Variants in TRIM60 observed in about 807,000 individuals in gnomAD.
TRIM60 encodes tripartite motif containing 60, also known as tripartite motif-containing protein 60.
For synonymous variants in TRIM60, 189 were observed against 195.2 expected (o/e 0.97, Z 0.27); for missense variants, 524 against 540.8 (o/e 0.97, Z 0.31).
chr4:165,038,527 G>A (rs61226884), intron 1 of TRIM60, among the ~76,000 whole-genome samples: 11,406 of 151,150 alleles, frequency 0.075, 1,320 homozygotes, highest in African/African-American at 0.25. Context: ...TTAAAAATTA[G>A]CTGGGCCTGG....
intron 1 of TRIM60, among the ~76,000 whole-genome samples, chr4:165,037,162 T>C (rs71618429): frequency 2.0e-5 from 3 of 151,456 alleles, no homozygotes; most frequent in Non-Finnish European, 4.4e-5. Context: ...GACTGCACCA[T>C]TGCACTCCAG....
At chr4:165,039,782 G>A (rs1354316905) in intron 2 of TRIM60, among the ~76,000 whole-genome samples, 4 of 139,130 alleles carry the variant, frequency 2.9e-5, no homozygotes, top group Non-Finnish European at 6.1e-5. Flanking sequence ...TCCGGCCTGG[G>A]CGACAGAGCG....
chr4:165,033,074 C>T (rs892835961), intron 1 of TRIM60, among the ~76,000 whole-genome samples: 2 of 151,878 alleles, frequency 1.3e-5, no homozygotes, highest in Non-Finnish European at 2.9e-5. Context: ...CCTGTGGTCC[C>T]AGCTACTCGG....
chr4:165,040,855 C>T lies in TRIM60; in HGVS notation c.783C>T (p.Asn261=). Residue 261 remains asparagine (N), a synonymous_variant, in exon 3 of 3, where the codon AAC becomes AAT. Transcript: ENST00000512596. The part of the protein sequence containing the change: ...QAKSMHHKYQ[N]LKCPELFSFR... ...AGAGTATGCACCACAAGTATCAAAACCTAAAATGCCCTGAACTCTTTTCAT... is the reference window on the plus strand; with the variant it reads ...AGAGTATGCACCACAAGTATCAAAATCTAAAATGCCCTGAACTCTTTTCAT... 6.2e-7 allele frequency: 1 copy of T among 1,613,446 alleles called. No homozygotes were observed.
rs1025202715 is a variant in TRIM60, at chr4:165,039,253, G to T, written c.-5+1G>T. 1.3e-5 allele frequency: 2 copies of T among 151,872 alleles called. No homozygotes were observed. The highest frequency in any genetic ancestry group is 2.9e-5 in the Non-Finnish European group (2 of 67,998). 9.4% of individuals were successfully genotyped at this position (151,872 alleles called of 1,614,324 possible). ...AGGTGGTATTCTCTACATTATAAAG[G>T]TACTTATTTTTCTCTTTGTAATTAA... On this transcript the variant is annotated splice_donor_variant, in intron 2 of 2. Transcript: ENST00000512596. LOFTEE classifies it low-confidence loss of function (5UTR_SPLICE).
chr4:165,032,889 C>G (rs189883931), intron 1 of TRIM60, among the ~76,000 whole-genome samples: 370 of 152,196 alleles, frequency 2.4e-3, no homozygotes, highest in Non-Finnish European at 3.9e-3. Context: ...TGAACCAGCA[C>G]AAGAATCAGA....
rs1438423497 is a variant in TRIM60, at chr4:165,040,765, A to T, written c.693A>T (p.Lys231Asn). The change falls in exon 3 of 3, where the codon AAA becomes AAT. Residue 231 changes from lysine (K) to asparagine (N), a missense_variant. Lys to Asn is a moderately conservative substitution (Grantham distance 94). Coordinates refer to ENST00000512596, the MANE Select transcript of TRIM60 (RefSeq NM_152620.3). The part of the protein sequence containing the change: ...VELSDYVSTL[K>N]HLLREVEGKS... The stretch of plus-strand genomic sequence containing the variant: ...TTTCAGATTATGTTTCCACATTAAA[A>T]CATCTACTGAGGGAGGTAGAGGGCA... The T allele has an allele frequency of 1.2e-6, 2 of 1,614,176 alleles. No homozygotes were observed. The highest frequency in any genetic ancestry group is 1.7e-6 in the Non-Finnish European group (2 of 1,180,022).
In TRIM60 at chr4:165,041,230, G is replaced by C; in HGVS notation, c.1158G>C (p.Trp386Cys). Reference protein sequence around the residue: ...QDQPSVLGGFWAIGRYMKSGY... With the variant: ...QDQPSVLGGFCAIGRYMKSGY... ...AGCCATCAGTTCTGGGCGGATTCTG[G>C]GCAATTGGGCGATACATGAAGAGTG... Residue 386 changes from tryptophan to cysteine, a missense_variant, in exon 3 of 3, where the codon TGG becomes TGC. Trp to Cys is a radical substitution (Grantham distance 215). Coordinates refer to ENST00000512596, the MANE Select transcript of TRIM60 (RefSeq NM_152620.3). The C allele has an allele frequency of 6.2e-7, 1 of 1,614,084 alleles. No individual in the cohort carries two copies. Among genetic ancestry groups the C allele is most frequent in the South Asian group, 1.1e-5 (1 of 91,074 alleles).
chr4:165,041,320 T>C lies in TRIM60; in HGVS notation c.1248T>C (p.Gly416=). The change falls in exon 3 of 3, where the codon GGT becomes GGC. Residue 416 remains glycine (G), a synonymous_variant. Coordinates refer to ENST00000512596, the MANE Select transcript of TRIM60 (RefSeq NM_152620.3). ...LLPVVKPSKI[G]IFLDYELGDL... ...CAGTAGTAAAACCCAGTAAAATTGG[T>C]ATTTTTCTGGACTATGAATTGGGTG... 1.2e-6 allele frequency: 2 copies of C among 1,614,176 alleles called. No individual in the cohort carries two copies. The highest frequency in any genetic ancestry group is 2.2e-5 in the South Asian group (2 of 91,086).
chr4:165,040,164 G>C lies in TRIM60; in HGVS notation c.92G>C (p.Cys31Ser). ...TTGAAAGACCCAGTGACCATCAACT[G>C]TGGGCACAACTTCTGTCGCTCCTGC... is the stretch of plus-strand genomic sequence containing the variant. ...EYLKDPVTIN[C>S]GHNFCRSCLS... Residue 31 changes from cysteine to serine, a missense_variant, in exon 3 of 3, where the codon TGT becomes TCT. Coordinates refer to ENST00000512596, the MANE Select transcript of TRIM60 (RefSeq NM_152620.3). 1 of 1,614,122 alleles carries C rather than the reference G, an allele frequency of 6.2e-7. No homozygotes were observed. The highest frequency in any genetic ancestry group is 1.1e-5 in the South Asian group (1 of 91,082).
intron 1 of TRIM60, among the ~76,000 whole-genome samples, chr4:165,036,313 A>G (rs1265586503): frequency 6.6e-6 from 1 of 152,188 alleles, no homozygotes; most frequent in Non-Finnish European, 1.5e-5. Context: ...TCAATGACAT[A>G]TAGATGTAGG....
In TRIM60 at chr4:165,040,734, T is replaced by C. The variant is rs1733740373; in HGVS notation, c.662T>C (p.Val221Ala). 6.2e-7 allele frequency: 1 copy of C among 1,613,976 alleles called. No individual in the cohort carries two copies. The highest frequency in any genetic ancestry group is 1.3e-5 in the African/African-American group (1 of 74,936). The change falls in exon 3 of 3, where the codon GTA becomes GCA. Residue 221 changes from valine to alanine, a missense_variant. Val to Ala is a moderately conservative substitution (Grantham distance 64). Transcript: ENST00000512596. The stretch of plus-strand genomic sequence containing the variant: ...TTAGCAAAACTAAATGAAAACCTTG[T>C]AGAACTTTCAGATTATGTTTCCACA... ...NILAKLNENL[V>A]ELSDYVSTLK... is the part of the protein sequence containing the mutation.
At chr4:165,038,161 C>T (rs1003188556) in intron 1 of TRIM60, among the ~76,000 whole-genome samples, 1 of 152,138 alleles carries the variant, frequency 6.6e-6, no homozygotes, top group African/African-American at 2.4e-5. Context: ...ATCATGACCC[C>T]TTCACCAGTA....
rs753125877 is a variant in TRIM60 at position 165,040,099 on chromosome 4, C to A, written c.27C>A (p.Asn9Lys). The A allele has an allele frequency of 5.0e-6, 8 of 1,612,564 alleles. No individual in the cohort carries two copies. Among genetic ancestry groups the A allele is most frequent in the Middle Eastern group, 3.9e-4 (2 of 5,160 alleles). The change falls in exon 3 of 3, where the codon AAC (asparagine) becomes AAA (lysine). Residue 9 changes from asparagine to lysine, a missense_variant. Transcript: ENST00000512596. ...TGGAGTTTGTGACAGCCCTGGTGAA[C>A]CTCCAAGAGGAGTCTAGCTGTCCCA... Reference protein sequence around the residue: MEFVTALVNLQEESSCPIC... With the variant: MEFVTALVKLQEESSCPIC...
chr4:165,041,514 G>T lies in TRIM60; in HGVS notation c.*26G>T, dbSNP rs371098223. The T allele has an allele frequency of 2.8e-6, 4 of 1,433,296 alleles. No homozygotes were observed. Among genetic ancestry groups the T allele is most frequent in the East Asian group, 4.6e-5 (2 of 43,486 alleles). The allele number at this position is 1,433,296 out of a possible 1,614,324, so 88.8% of individuals were successfully genotyped here. On this transcript the variant is annotated 3_prime_UTR_variant, in exon 3 of 3. Coordinates refer to ENST00000512596, the MANE Select transcript of TRIM60 (RefSeq NM_152620.3). Reference sequence around the variant, plus strand: ...GGAACTGGTAAATGGGTCTGTTTCAGTTTTTGTAGGTAACTTAGCCAGTAA... The same window carrying T: ...GGAACTGGTAAATGGGTCTGTTTCATTTTTTGTAGGTAACTTAGCCAGTAA...
intron 1 of TRIM60, among the ~76,000 whole-genome samples, chr4:165,038,106 A>G (rs1733665318): frequency 6.6e-6 from 1 of 152,188 alleles, no homozygotes; most frequent in African/African-American, 2.4e-5. Flanking sequence ...AGCAGCAGAT[A>G]GGATTTGTGA....
At position 165,040,148 on chromosome 4, in the gene TRIM60, C is replaced by CGTACTCCA. The variant is rs1275305562; in HGVS notation, c.76_77insGTACTCCA (p.Pro26ArgfsTer5). 1 of 1,613,882 alleles carries CGTACTCCA rather than the reference C, an allele frequency of 6.2e-7. No individual in the cohort carries two copies. The highest frequency in any genetic ancestry group is 1.3e-5 in the African/African-American group (1 of 74,874). ...CATCTGTCTGGAGTACTTGAAAGACCCAGTGACCATCAACTGTGGGCACAA... is the reference window on the plus strand; with the variant it reads ...CATCTGTCTGGAGTACTTGAAAGACCGTACTCCACAGTGACCATCAACTGTGGGCACAA... On this transcript the variant is annotated frameshift_variant, in exon 3 of 3. Transcript: ENST00000512596. LOFTEE classifies it low-confidence loss of function (END_TRUNC).
In TRIM60 at chr4:165,034,750, A is replaced by G. The variant is rs1160442988; in HGVS notation, c.-57+2638A>G. 2.6e-5 allele frequency among the ~76,000 whole-genome samples: 4 copies of G among 152,336 alleles called. No individual in the cohort carries two copies. The East Asian group carries it at 7.7e-4, about 29-fold the overall frequency. ...AAAATATTATAATTTTTAAGATGTA[A>G]TAATACCTTACTGTCCCTTCAAAAT... is the stretch of plus-strand genomic sequence containing the variant. On this transcript the variant is annotated intron_variant, in intron 1 of 2. Coordinates refer to ENST00000512596, the MANE Select transcript of TRIM60 (RefSeq NM_152620.3).
Position 165,038,945 on chromosome 4 carries a change from C to T in TRIM60, c.-56-256C>T, listed in dbSNP as rs547892778. On this transcript the variant is annotated intron_variant, in intron 1 of 2. Coordinates refer to ENST00000512596, the MANE Select transcript of TRIM60 (RefSeq NM_152620.3). ...AGGCGTGGTGGTAGGCGCCTTAATC[C>T]CAGCTTCTTGGGAGGCTGAGGCTGG... 1.3e-4 allele frequency among the ~76,000 whole-genome samples: 19 copies of T among 151,982 alleles called. No homozygotes were observed. In the South Asian group the frequency reaches 3.5e-3, roughly 28 times the overall value.
Sources: gnomAD v4.1 joint callset for allele counts (sites outside exome capture counted in the v4.1 genomes callset) on GRCh38, gnomAD v4.1.1 for gene constraint, MANE v1.5 for transcripts, NCBI Gene and HGNC (gene_info 2026-07-23, HGNC 2026-07-21) for gene names.